Variants in MYO1D observed in about 807,000 individuals in gnomAD.
The protein encoded by MYO1D is myosin ID, also known as unconventional myosin-Id.
In MYO1D, 83 loss-of-function variants were observed where a neutral mutation model predicts 122.0. That is an observed-to-expected ratio of 0.68 (90% confidence interval 0.57 to 0.82). The LOEUF is 0.82. Ranked by LOEUF, MYO1D falls within the 40% of genes least tolerant of loss-of-function variation. The pLI, the probability that MYO1D is intolerant of heterozygous loss-of-function variation, is 0.00. For missense variants in MYO1D, 1,157 were observed against 1,269.5 expected (o/e 0.91, Z 1.35); for synonymous variants, 464 against 446.9 (o/e 1.04, Z -0.48).
At chr17:32,632,455 G>T (rs147323392) in intron 20 of MYO1D, 1 of 151,910 alleles carries the variant, frequency 6.6e-6, no homozygotes, top group African/African-American at 2.4e-5. Flanking sequence ...CTTTTGGAGC[G>T]GAGTGGCGGC....
intron 21 of MYO1D, among the ~76,000 whole-genome samples, chr17:32,587,055 CCCTTGT>C (rs2087392962): frequency 6.6e-6 from 1 of 152,176 alleles, no homozygotes; most frequent in African/African-American, 2.4e-5. Flanking sequence ...GTCTTTCCTA[CCCTTGT>C]AACAACAAGC....
At chr17:32,576,769 G>A (rs748933104) in intron 21 of MYO1D, among the ~76,000 whole-genome samples, 9 of 152,144 alleles carry the variant, frequency 5.9e-5, no homozygotes, top group Admixed American at 1.3e-4. Flanking sequence ...TGATCCTCTC[G>A]CCTCAGGCTC....
intron 21 of MYO1D, among the ~76,000 whole-genome samples, chr17:32,600,861 C>T (rs910058876): frequency 7.2e-5 from 11 of 152,122 alleles, no homozygotes; most frequent in Non-Finnish European, 1.5e-4. Flanking sequence ...CACAACTGGG[C>T]TGTTTAATTT....
At chr17:32,615,794 G>A (rs945960120) in intron 20 of MYO1D, among the ~76,000 whole-genome samples, 2 of 152,182 alleles carry the variant, frequency 1.3e-5, no homozygotes, top group Non-Finnish European at 2.9e-5. Context: ...ATAAACAACA[G>A]GGCTCCTGAA....
In MYO1D at chr17:32,712,052, G is replaced by C. The variant is rs1422715409; in HGVS notation, c.2057C>G (p.Thr686Arg). The change falls in exon 16 of 22, where the codon ACA (threonine) becomes AGA (arginine). Residue 686 changes from threonine (T) to arginine (R), a missense_variant. Physicochemically the swap from Thr to Arg is moderately conservative, Grantham distance 71. Transcript: ENST00000318217. ...ACGGAGTTCTTCCAAGGTAAACAAT[G>C]TTCGGGGTGTTCGAATGAAAATTTT... is the stretch of plus-strand genomic sequence containing the variant. The part of the protein sequence containing the change: ...KTKIFIRTPR[T>R]LFTLEELRAQ... 3 of 1,614,132 alleles carry C rather than the reference G, an allele frequency of 1.9e-6. No individual in the cohort carries two copies. Among genetic ancestry groups the C allele is most frequent in the East Asian group, 4.5e-5 (2 of 44,870 alleles).
Position 32,511,241 on chromosome 17 carries a change from A to T in MYO1D, c.2865-16326T>A, listed in dbSNP as rs1909686675. ...CGCTCACTCTGTTTTTTTTTTTGGA[A>T]ACAGGGTCTTGCTGCTCTGTTGCTC... On this transcript the variant is annotated intron_variant, in intron 21 of 21. Coordinates refer to ENST00000318217, the MANE Select transcript of MYO1D (RefSeq NM_015194.3). Among the ~76,000 whole-genome samples the T allele has an allele frequency of 2.0e-5, 3 of 151,306 alleles. No individual in the cohort carries two copies. In the South Asian group the frequency reaches 6.3e-4, roughly 32 times the overall value.
intron 1 of MYO1D, among the ~76,000 whole-genome samples, chr17:32,836,365 G>A (rs991551216): frequency 3.3e-5 from 5 of 152,134 alleles, no homozygotes; most frequent in African/African-American, 1.2e-4. Flanking sequence ...AGCACATATA[G>A]GGCATAGTTT....
rs187620337 is a variant in MYO1D at position 32,541,814 on chromosome 17, C to T, written c.2865-46899G>A. Among the ~76,000 whole-genome samples the T allele has an allele frequency of 2.9e-3, 439 of 152,226 alleles. 2 individuals carry two copies. The highest frequency in any genetic ancestry group is 4.8e-3 in the Non-Finnish European group (324 of 67,996). On this transcript the variant is annotated intron_variant, in intron 21 of 21. Transcript: ENST00000318217. ...TGCCTATCTCTAACCTCCTTTTCATCCCTGTAACTCTCCTCCAGGGTGCTT... is the reference window on the plus strand; with the variant it reads ...TGCCTATCTCTAACCTCCTTTTCATTCCTGTAACTCTCCTCCAGGGTGCTT...
intron 19 of MYO1D, among the ~76,000 whole-genome samples, chr17:32,648,598 C>G (rs1417882959): frequency 6.6e-6 from 1 of 152,158 alleles, no homozygotes; most frequent in Non-Finnish European, 1.5e-5. Flanking sequence ...GGGAGAGGGG[C>G]TGGAGATTAA....
Position 32,650,726 on chromosome 17 carries a change from T to C in MYO1D, c.2595+3117A>G, listed in dbSNP as rs560962006. 1.4e-4 allele frequency among the ~76,000 whole-genome samples: 22 copies of C among 152,346 alleles called. No individual in the cohort carries two copies. In the East Asian group the frequency reaches 4.0e-3, roughly 28 times the overall value. On this transcript the variant is annotated intron_variant, in intron 19 of 21. Coordinates refer to ENST00000318217, the MANE Select transcript of MYO1D (RefSeq NM_015194.3). ...TCCCAGAAATTGTATTTTTCATCTT[T>C]ATAACTTCATGCAGGTCATTAAAAA...
chr17:32,691,670 G>A (rs896102218), intron 16 of MYO1D, among the ~76,000 whole-genome samples: 1 of 152,042 alleles, frequency 6.6e-6, no homozygotes, highest in East Asian at 1.9e-4. Context: ...GTCTCCCAAA[G>A]TCTGGGATTA....
chr17:32,866,477 G>C (rs1031951772), intron 1 of MYO1D, among the ~76,000 whole-genome samples: 2 of 152,098 alleles, frequency 1.3e-5, no homozygotes, highest in African/African-American at 4.8e-5. Flanking sequence ...CAGGTCTGCC[G>C]TATCCCTGAA....
chr17:32,772,710 G>C, intron 5 of MYO1D, 79 bp downstream of exon 5: 2 of 1,222,054 alleles, frequency 1.6e-6, no homozygotes, highest in East Asian at 2.3e-5. Flanking sequence ...GCATAGGACA[G>C]GGGAAAGCCC....
chr17:32,727,811 C>T (rs1192741428), intron 14 of MYO1D, among the ~76,000 whole-genome samples: 1 of 152,062 alleles, frequency 6.6e-6, no homozygotes, highest in Non-Finnish European at 1.5e-5. Context: ...GAGAGACACA[C>T]TTGAAACATA....
At chr17:32,561,233 G>T (rs1020605456) in intron 21 of MYO1D, among the ~76,000 whole-genome samples, 1 of 152,148 alleles carries the variant, frequency 6.6e-6, no homozygotes, top group Non-Finnish European at 1.5e-5. Context: ...CTTTCAAAGA[G>T]AGGTATGTTT....
intron 8 of MYO1D, among the ~76,000 whole-genome samples, chr17:32,761,978 A>C (rs560959419): frequency 3.3e-5 from 5 of 152,226 alleles, no homozygotes; most frequent in African/African-American, 1.2e-4. Context: ...GTGAAGGAAA[A>C]AATTATTCTC....
At chr17:32,569,376 A>T (rs1465803201) in intron 21 of MYO1D, among the ~76,000 whole-genome samples, 1 of 152,254 alleles carries the variant, frequency 6.6e-6, no homozygotes, top group Non-Finnish European at 1.5e-5. Context: ...GCCCAAGGAC[A>T]CACAGGCCTC....
intron 11 of MYO1D, 91 bp from the exon 12 acceptor site, chr17:32,749,097 C>T: frequency 8.6e-7 from 1 of 1,159,300 alleles, no homozygotes; most frequent in East Asian, 2.4e-5. Context: ...ATGATAATAT[C>T]ACAAATTATG....
chr17:32,772,812 T>A lies in MYO1D; in HGVS notation c.595A>T (p.Arg199Ter). The A allele has an allele frequency of 1.2e-6, 2 of 1,613,384 alleles. No individual in the cohort carries two copies. The highest frequency in any genetic ancestry group is 1.7e-6 in the Non-Finnish European group (2 of 1,179,326). ...SRVIVQQPGE[R>*]SFHSFYQLLQ... ...ACCTGATAGAAAGAATGAAAGCTTC[T>A]TTCTCCTGGCTGTTGCACAATCACT... is the stretch of plus-strand genomic sequence containing the variant. Residue 199 changes from arginine to a stop codon, truncating the protein, a stop_gained, in exon 5 of 22, where the codon AGA (arginine) becomes TGA (stop). Transcript: ENST00000318217. LOFTEE classifies it high-confidence loss of function.
Sources: allele counts gnomAD v4.1 joint callset (sites outside exome capture counted in the v4.1 genomes callset), GRCh38; gene constraint gnomAD v4.1.1; transcripts MANE v1.5; gene names NCBI Gene and HGNC (gene_info 2026-07-23, HGNC 2026-07-21).